Variants in RELN observed in about 807,000 individuals in gnomAD.
RELN encodes reelin.
In RELN, 108 loss-of-function variants were observed where a neutral mutation model predicts 427.6. The ratio of observed to expected loss-of-function variants is 0.25; its 90% CI spans 0.22 to 0.30. The LOEUF (loss-of-function observed/expected upper bound fraction) is 0.30, where lower values mean the gene tolerates loss of function less well. Ranked by LOEUF, RELN falls within the 10% of genes least tolerant of loss-of-function variation. RELN has a pLI of 1.00. For missense variants in RELN, 3,715 were observed against 4,302.8 expected (o/e 0.86, Z 3.82); for synonymous variants, 1,524 against 1,513.4 (o/e 1.01, Z -0.16).
chr7:103,696,023 T>C (rs1241876116), intron 10 of RELN, among the ~76,000 whole-genome samples: 1 of 152,136 alleles, frequency 6.6e-6, no homozygotes, highest in Non-Finnish European at 1.5e-5. Context: ...GTCATTTCCA[T>C]CAGGAGAGTT....
intron 1 of RELN, among the ~76,000 whole-genome samples, chr7:103,958,841 C>T (rs896305823): frequency 6.6e-6 from 1 of 152,198 alleles, no homozygotes; most frequent in Admixed American, 6.5e-5. Context: ...TAGGGATCAT[C>T]TAGGCCAACA....
intron 6 of RELN, among the ~76,000 whole-genome samples, chr7:103,746,537 C>A (rs1406818560): frequency 6.6e-6 from 1 of 151,902 alleles, no homozygotes; most frequent in Non-Finnish European, 1.5e-5. Flanking sequence ...GGGCTAATAT[C>A]CAGAAGCTAC....
chr7:103,908,545 C>G (rs1795269868), intron 2 of RELN, among the ~76,000 whole-genome samples: 1 of 152,182 alleles, frequency 6.6e-6, no homozygotes, highest in Non-Finnish European at 1.5e-5. Context: ...GTTGAACTGA[C>G]TTTCTCTACT....
chr7:103,984,169 T>C (rs1797049636), intron 1 of RELN, among the ~76,000 whole-genome samples: 1 of 142,280 alleles, frequency 7.0e-6, no homozygotes. Flanking sequence ...AAAAAAAAAA[T>C]CAAAGACAGA....
intron 50 of RELN, among the ~76,000 whole-genome samples, chr7:103,511,212 TAC>T (rs1829401157): frequency 6.6e-6 from 1 of 152,206 alleles, no homozygotes; most frequent in African/African-American, 2.4e-5. Context: ...CTGATATTAG[TAC>T]ACACACAACC....
chr7:103,584,852 TAGTA>T (rs1393842134), intron 28 of RELN, among the ~76,000 whole-genome samples: 9 of 152,324 alleles, frequency 5.9e-5, no homozygotes, highest in Admixed American at 2.0e-4. Context: ...ATCGAAATTA[TAGTA>T]AGTATCTTCT....
At chr7:103,696,361 G>A (rs1833976557) in intron 10 of RELN, among the ~76,000 whole-genome samples, 1 of 152,090 alleles carries the variant, frequency 6.6e-6, no homozygotes, top group Admixed American at 6.6e-5. Context: ...CCACTCATAA[G>A]GCTAATGATT....
At chr7:103,973,957 A>T (rs1306449737) in intron 1 of RELN, among the ~76,000 whole-genome samples, 1 of 152,176 alleles carries the variant, frequency 6.6e-6, no homozygotes, top group African/African-American at 2.4e-5. Context: ...AGCCTGGCCA[A>T]CATGGTGAAA....
intron 48 of RELN, among the ~76,000 whole-genome samples, chr7:103,520,614 C>T (rs972799431): frequency 6.6e-6 from 1 of 152,122 alleles, no homozygotes; most frequent in Non-Finnish European, 1.5e-5. Flanking sequence ...AAAATAGCTA[C>T]ATCTGGAAAT....
intron 11 of RELN, among the ~76,000 whole-genome samples, chr7:103,677,430 A>G (rs1393081756): frequency 1.4e-5 from 2 of 147,222 alleles, no homozygotes; most frequent in African/African-American, 2.5e-5. Context: ...AATAATAATA[A>G]TAATAATAAT....
intron 3 of RELN, among the ~76,000 whole-genome samples, chr7:103,819,627 A>C (rs1792967598): frequency 6.6e-6 from 1 of 152,126 alleles, no homozygotes; most frequent in Non-Finnish European, 1.5e-5. Context: ...ATCTTCCCTT[A>C]CTATATATTT....
At chr7:103,730,964 C>A (rs1157717134) in intron 6 of RELN, among the ~76,000 whole-genome samples, 1 of 152,088 alleles carries the variant, frequency 6.6e-6, no homozygotes, top group Non-Finnish European at 1.5e-5. Context: ...CTGCACTAAG[C>A]TTTACTGATA....
chr7:103,783,630 T>C (rs1791948169), intron 3 of RELN, among the ~76,000 whole-genome samples: 2 of 152,216 alleles, frequency 1.3e-5, no homozygotes, highest in South Asian at 4.1e-4. Context: ...CTACCTGTCC[T>C]TAAAGGTTAC....
intron 3 of RELN, among the ~76,000 whole-genome samples, chr7:103,778,428 T>A (rs1791800862): frequency 6.6e-6 from 1 of 152,202 alleles, no homozygotes; most frequent in Non-Finnish European, 1.5e-5. Context: ...AACTGTTCGT[T>A]TTTGTTGTCT....
chr7:103,818,805 T>C (rs1269778758), intron 3 of RELN, among the ~76,000 whole-genome samples: 7 of 152,102 alleles, frequency 4.6e-5, no homozygotes, highest in African/African-American at 1.2e-4. Context: ...TAATGTAATG[T>C]TAGAGTTTTT....
intron 4 of RELN, among the ~76,000 whole-genome samples, chr7:103,755,076 A>C: frequency 6.6e-6 from 1 of 152,128 alleles, no homozygotes; most frequent in East Asian, 1.9e-4. Context: ...TCTTTCAAGA[A>C]GGTTAGCTGC....
intron 8 of RELN, among the ~76,000 whole-genome samples, chr7:103,703,015 T>G (rs764197195): frequency 2.7e-4 from 41 of 151,924 alleles, no homozygotes; most frequent in Middle Eastern, 6.8e-3. Flanking sequence ...GAAGCATTCA[T>G]CATAAAAAGA....
intron 2 of RELN, among the ~76,000 whole-genome samples, chr7:103,859,134 C>G (rs1479557334): frequency 6.6e-6 from 1 of 152,108 alleles, no homozygotes; most frequent in Non-Finnish European, 1.5e-5. Context: ...ATAATACATA[C>G]ATTATCAGAT....
At position 103,604,243 on chromosome 7, in the gene RELN, A is replaced by C. The variant is rs1469040085; in HGVS notation, c.3146+103T>G. ...ACTTGTTTCTTTTGGCTATGTCATT[A>C]TTTATCGGTCTATCCATGTCACTCT... On this transcript the variant is annotated intron_variant, in intron 23 of 64. Transcript: ENST00000428762. 3.7e-6 allele frequency: 5 copies of C among 1,358,488 alleles called. No individual in the cohort carries two copies. The African/African-American group carries it at 5.7e-5, about 16-fold the overall frequency. 84.2% of individuals were successfully genotyped at this position (1,358,488 alleles called of 1,614,324 possible). A position where few individuals can be genotyped will look rare whatever the true frequency, so the allele number is the denominator to read the frequency against.
Sources: allele counts gnomAD v4.1 joint callset (sites outside exome capture counted in the v4.1 genomes callset), GRCh38; gene constraint gnomAD v4.1.1; transcripts MANE v1.5; gene names NCBI Gene and HGNC (gene_info 2026-07-23, HGNC 2026-07-21).